Variants in SLC35F1 observed in about 807,000 individuals in gnomAD.
SLC35F1 encodes the protein solute carrier family 35 member F1.
In SLC35F1, 14 loss-of-function variants were observed where a neutral mutation model predicts 48.7. That is an observed-to-expected ratio of 0.29 (90% CI 0.19 to 0.45). SLC35F1 has a LOEUF of 0.45. Ranked by LOEUF, SLC35F1 falls within the 20% of genes least tolerant of loss-of-function variation. The pLI is 1.00. For synonymous variants in SLC35F1, 190 were observed against 202.2 expected, an observed-to-expected ratio of 0.94 and a Z score of 0.51; for missense variants, 404 against 500.0, an observed-to-expected ratio of 0.81 and a Z score of 1.83.
chr6:118,061,097 A>T (rs192848858), intron 1 of SLC35F1, among the ~76,000 whole-genome samples: 31 of 152,354 alleles, frequency 2.0e-4, no homozygotes, highest in African/African-American at 7.0e-4. Flanking sequence ...TGGCCAAGTG[A>T]CACTCACAGG....
chr6:118,169,742 A>G (rs188404748), intron 2 of SLC35F1, among the ~76,000 whole-genome samples: 1 of 152,296 alleles, frequency 6.6e-6, no homozygotes, highest in Non-Finnish European at 1.5e-5. Context: ...CATTTATGAC[A>G]TAAATTGAAA....
At chr6:118,262,813 G>A (rs553559640) in intron 3 of SLC35F1, among the ~76,000 whole-genome samples, 16 of 152,272 alleles carry the variant, frequency 1.1e-4, no homozygotes, top group African/African-American at 3.1e-4. Context: ...CAAGCTGGGC[G>A]CTGTGGCTCA....
At chr6:118,168,086 G>A (rs1427873479) in intron 2 of SLC35F1, among the ~76,000 whole-genome samples, 1 of 152,144 alleles carries the variant, frequency 6.6e-6, no homozygotes, top group Non-Finnish European at 1.5e-5. Flanking sequence ...AAGGGACCCT[G>A]ACTTTGCATT....
intron 7 of SLC35F1, among the ~76,000 whole-genome samples, chr6:118,302,517 C>T (rs1395349786): frequency 2.0e-5 from 3 of 152,158 alleles, no homozygotes; most frequent in Non-Finnish European, 4.4e-5. Flanking sequence ...GGTGATGTCT[C>T]ACCATGCCCA....
At chr6:118,224,800 T>A (rs1435230251) in intron 2 of SLC35F1, among the ~76,000 whole-genome samples, 2 of 152,160 alleles carry the variant, frequency 1.3e-5, no homozygotes, top group Non-Finnish European at 2.9e-5. Flanking sequence ...AGTTCTAAAG[T>A]TTTTTGGTGG....
intron 1 of SLC35F1, among the ~76,000 whole-genome samples, 185 bp downstream of exon 1, chr6:117,908,084 G>T (rs947116742): frequency 2.0e-5 from 3 of 152,220 alleles, no homozygotes; most frequent in Non-Finnish European, 2.9e-5. Context: ...TTGTCCCGGC[G>T]CAGGGAGCCC....
intron 3 of SLC35F1, among the ~76,000 whole-genome samples, chr6:118,248,992 T>C (rs1582751433): frequency 6.6e-6 from 1 of 152,334 alleles, no homozygotes; most frequent in South Asian, 2.1e-4. Flanking sequence ...CCCTTTACCA[T>C]GCACGCGAGG....
intron 1 of SLC35F1, among the ~76,000 whole-genome samples, chr6:118,044,671 A>T (rs1582635773): frequency 6.6e-6 from 1 of 152,340 alleles, no homozygotes; most frequent in East Asian, 1.9e-4. Flanking sequence ...ATTAAGAATT[A>T]TTCCAGCCTT....
chr6:118,072,901 C>T (rs1378581383), intron 1 of SLC35F1, among the ~76,000 whole-genome samples: 1 of 152,124 alleles, frequency 6.6e-6, no homozygotes, highest in African/African-American at 2.4e-5. Flanking sequence ...AGTGGGTGAA[C>T]AGCTCCTGGG....
intron 1 of SLC35F1, among the ~76,000 whole-genome samples, chr6:117,939,755 CACTT>C (rs140255761): frequency 2.6e-3 from 397 of 151,392 alleles, no homozygotes; most frequent in African/African-American, 9.2e-3. Flanking sequence ...CTTTTTTTTT[CACTT>C]ACTTTCTTTT....
chr6:118,220,777 TA>T (rs1365356412), intron 2 of SLC35F1, among the ~76,000 whole-genome samples: 1 of 152,162 alleles, frequency 6.6e-6, no homozygotes, highest in African/African-American at 2.4e-5. Context: ...AAGAAGTAAA[TA>T]AACATTTATA....
At chr6:118,254,673 C>G (rs914256685) in intron 3 of SLC35F1, among the ~76,000 whole-genome samples, 2 of 152,124 alleles carry the variant, frequency 1.3e-5, no homozygotes, top group Non-Finnish European at 2.9e-5. Flanking sequence ...AATTATTTCT[C>G]CATACTATTA....
chr6:118,245,170 A>G (rs988733719), intron 3 of SLC35F1, among the ~76,000 whole-genome samples: 1 of 152,224 alleles, frequency 6.6e-6, no homozygotes, highest in African/African-American at 2.4e-5. Context: ...TATATTCTAT[A>G]ATCGATCTAA....
chr6:118,220,900 A>C (rs1386796449), intron 2 of SLC35F1, among the ~76,000 whole-genome samples: 2 of 152,170 alleles, frequency 1.3e-5, no homozygotes, highest in East Asian at 3.9e-4. Flanking sequence ...TATGTGGTTA[A>C]GGATAGAGTC....
At chr6:118,086,238 C>G (rs768662583) in intron 1 of SLC35F1, among the ~76,000 whole-genome samples, 30 of 152,154 alleles carry the variant, frequency 2.0e-4, no homozygotes, top group Non-Finnish European at 2.8e-4. Context: ...TCGAACTGTC[C>G]ATTTTATAGT....
intron 1 of SLC35F1, among the ~76,000 whole-genome samples, chr6:118,068,610 T>G (rs9320637): frequency 6.6e-6 from 1 of 152,094 alleles, no homozygotes; most frequent in Non-Finnish European, 1.5e-5. Flanking sequence ...GGAAGAAAAG[T>G]TGAGGGAGAT....
chr6:117,964,834 T>C (rs1406135225), intron 1 of SLC35F1, among the ~76,000 whole-genome samples: 1 of 152,216 alleles, frequency 6.6e-6, no homozygotes, highest in Non-Finnish European at 1.5e-5. Context: ...AAGAAGGCTT[T>C]AATCCAGTGC....
intron 7 of SLC35F1, among the ~76,000 whole-genome samples, chr6:118,301,132 G>T (rs544566021): frequency 1.3e-5 from 2 of 152,260 alleles, no homozygotes; most frequent in African/African-American, 2.4e-5. Context: ...TCTCTGCTGG[G>T]TGCTGTGTCT....
At position 118,129,835 on chromosome 6, in the gene SLC35F1, A is replaced by G. The variant is rs370976989; in HGVS notation, c.174-24610A>G. Among the ~76,000 whole-genome samples, 63 of 152,316 alleles carry G rather than the reference A, an allele frequency of 4.1e-4. 2 individuals are homozygous for G. In the South Asian group the frequency reaches 7.7e-3, roughly 19 times the overall value. On this transcript the variant is annotated intron_variant, in intron 1 of 7. Transcript: ENST00000360388. ...ATAATACATTTAAACATAGAATCCTATACTGTGCCTTCTGAGACAGAAAAT... is the reference window on the plus strand; with the variant it reads ...ATAATACATTTAAACATAGAATCCTGTACTGTGCCTTCTGAGACAGAAAAT...
Sources: gnomAD v4.1 joint callset for allele counts (sites outside exome capture counted in the v4.1 genomes callset) on GRCh38, gnomAD v4.1.1 for gene constraint, MANE v1.5 for transcripts, NCBI Gene and HGNC (gene_info 2026-07-23, HGNC 2026-07-21) for gene names.